Variants in CSMD1 observed in about 807,000 individuals in gnomAD.
CSMD1 encodes CUB and Sushi multiple domains 1, also known as CUB and sushi domain-containing protein 1.
In CSMD1, 213 loss-of-function variants were observed where a neutral mutation model predicts 417.5. The observed-to-expected ratio is 0.51, with a 90% CI of 0.46 to 0.57. The LOEUF (loss-of-function observed/expected upper bound fraction) is 0.57, where lower values mean the gene tolerates loss of function less well. CSMD1 is among the 20% of genes least tolerant of loss of function. The pLI is 0.00. For missense variants in CSMD1, 6,923 were observed against 4,529.7 expected (o/e 1.53, Z -15.17); for synonymous variants, 2,862 against 1,736.8 (o/e 1.65, Z -16.11).
Position 3,560,543 on chromosome 8 carries a change from C to A in CSMD1, c.1344+14402G>T, listed in dbSNP as rs191885800. On this transcript the variant is annotated intron_variant, in intron 10 of 69. Coordinates refer to ENST00000635120, the MANE Select transcript of CSMD1 (RefSeq NM_033225.6). ...AAAGCATGTATTTGAGAAAAGGCAGCTCCTCTGAGTTATAAATGACTCTTA... is the reference window on the plus strand; with the variant it reads ...AAAGCATGTATTTGAGAAAAGGCAGATCCTCTGAGTTATAAATGACTCTTA... 1.8e-3 allele frequency among the ~76,000 whole-genome samples: 272 copies of A among 152,184 alleles called. 1 individual carries two copies. The highest frequency in any genetic ancestry group is 3.0e-3 in the Non-Finnish European group (201 of 68,016).
chr8:3,146,309 A>C (rs1818842253), intron 40 of CSMD1, among the ~76,000 whole-genome samples: 1 of 152,110 alleles, frequency 6.6e-6, no homozygotes, highest in Non-Finnish European at 1.5e-5. Flanking sequence ...AGAGCATCAC[A>C]AAACAACAAG....
intron 6 of CSMD1, among the ~76,000 whole-genome samples, chr8:3,728,056 G>A (rs1802596047): frequency 6.6e-6 from 1 of 152,114 alleles, no homozygotes; most frequent in African/African-American, 2.4e-5. Flanking sequence ...CATTTGAAAG[G>A]GTTTGGCTAT....
At chr8:4,037,553 C>G (rs573013486) in intron 3 of CSMD1, among the ~76,000 whole-genome samples, 1 of 152,140 alleles carries the variant, frequency 6.6e-6, no homozygotes, top group Non-Finnish European at 1.5e-5. Flanking sequence ...TCAGACATAG[C>G]CTTTGCAAGG....
intron 5 of CSMD1, among the ~76,000 whole-genome samples, chr8:3,770,105 C>G (rs1012388392): frequency 6.6e-6 from 1 of 152,314 alleles, no homozygotes; most frequent in Middle Eastern, 3.4e-3. Context: ...TCCATCAGAG[C>G]GATTGGCACA....
chr8:3,753,427 C>G (rs1563342306), intron 6 of CSMD1, among the ~76,000 whole-genome samples: 1 of 152,126 alleles, frequency 6.6e-6, no homozygotes, highest in South Asian at 2.1e-4. Flanking sequence ...ACTACAGACT[C>G]CCCATTTTGC....
At chr8:3,769,737 C>G (rs1447483186) in intron 5 of CSMD1, among the ~76,000 whole-genome samples, 2 of 152,086 alleles carry the variant, frequency 1.3e-5, no homozygotes, top group Non-Finnish European at 2.9e-5. Flanking sequence ...ACTTATTTAA[C>G]CAATGTCCTG....
chr8:3,432,616 A>G (rs1182485624), intron 12 of CSMD1, among the ~76,000 whole-genome samples: 2 of 151,162 alleles, frequency 1.3e-5, no homozygotes, highest in Admixed American at 6.6e-5. Context: ...CCCGGGATCA[A>G]GAGATTCTCC....
chr8:4,860,265 G>A (rs1290123680), intron 1 of CSMD1, among the ~76,000 whole-genome samples: 1 of 122,050 alleles, frequency 8.2e-6, no homozygotes, highest in Non-Finnish European at 1.7e-5. Context: ...CTGTTGTGGG[G>A]TGGGGGGAGG....
intron 25 of CSMD1, among the ~76,000 whole-genome samples, chr8:3,299,368 C>T (rs954988722): frequency 6.6e-6 from 1 of 152,116 alleles, no homozygotes; most frequent in African/African-American, 2.4e-5. Flanking sequence ...AGGAGCATTG[C>T]TTGAACTCTG....
chr8:3,322,959 A>G (rs1377128166), intron 23 of CSMD1, among the ~76,000 whole-genome samples: 1 of 152,014 alleles, frequency 6.6e-6, no homozygotes, highest in African/African-American at 2.4e-5. Flanking sequence ...TTGTTTTCCT[A>G]TGGAACTTAA....
At chr8:4,075,579 T>G (rs867751094) in intron 3 of CSMD1, among the ~76,000 whole-genome samples, 4 of 152,246 alleles carry the variant, frequency 2.6e-5, no homozygotes, top group Non-Finnish European at 5.9e-5. Context: ...AAACGATGAT[T>G]AATTTATTCC....
chr8:3,408,287 A>C, intron 13 of CSMD1, 62 bp from the exon 14 acceptor site: 3 of 1,324,442 alleles, frequency 2.3e-6, no homozygotes, highest in Non-Finnish European at 3.1e-6. Context: ...TGCCATGTGA[A>C]ACAGACAGCT....
intron 3 of CSMD1, among the ~76,000 whole-genome samples, chr8:4,282,086 T>A (rs2128860430): frequency 6.6e-6 from 1 of 152,364 alleles, no homozygotes; most frequent in South Asian, 2.1e-4. Context: ...AGGGAAAACA[T>A]TCTTTTATTA....
In CSMD1 at chr8:4,343,965, C is replaced by T. The variant is rs543391501; in HGVS notation, c.415+75988G>A. ...ATTATAATAAGTATTTTCATATATA[C>T]AATAAATTCTAGTAAAGCCATTGCC... On this transcript the variant is annotated intron_variant, in intron 3 of 69. Transcript: ENST00000635120. 3.9e-5 allele frequency among the ~76,000 whole-genome samples: 6 copies of T among 152,204 alleles called. No homozygotes were observed. In the South Asian group the frequency reaches 1.2e-3, roughly 32 times the overall value.
chr8:3,284,509 G>A (rs1474004833), intron 25 of CSMD1, 163 bp from the exon 26 acceptor site: 5 of 624,710 alleles, frequency 8.0e-6, no homozygotes, highest in African/African-American at 5.5e-5. Flanking sequence ...GAGGCTCACC[G>A]AAGATAATTC....
At chr8:3,934,808 C>G (rs887743869) in intron 5 of CSMD1, among the ~76,000 whole-genome samples, 1 of 152,228 alleles carries the variant, frequency 6.6e-6, no homozygotes, top group African/African-American at 2.4e-5. Context: ...AATCACGCCA[C>G]TGCACTCCAG....
At chr8:3,554,325 G>A (rs984730930) in intron 10 of CSMD1, among the ~76,000 whole-genome samples, 1 of 152,214 alleles carries the variant, frequency 6.6e-6, no homozygotes, top group Non-Finnish European at 1.5e-5. Context: ...AGTCAGAAGA[G>A]TGAGAAATAA....
intron 27 of CSMD1, among the ~76,000 whole-genome samples, chr8:3,229,510 A>C (rs971952105): frequency 6.6e-6 from 1 of 152,214 alleles, no homozygotes; most frequent in Non-Finnish European, 1.5e-5. Flanking sequence ...TCCTTTTAAT[A>C]AGGTCAAACT....
At chr8:4,511,317 C>T (rs1802807234) in intron 2 of CSMD1, among the ~76,000 whole-genome samples, 1 of 152,198 alleles carries the variant, frequency 6.6e-6, no homozygotes, top group Non-Finnish European at 1.5e-5. Flanking sequence ...CAACTGCCCT[C>T]ATAGACAGCA....
Sources: gnomAD v4.1 joint callset for allele counts (sites outside exome capture counted in the v4.1 genomes callset) on GRCh38, gnomAD v4.1.1 for gene constraint, MANE v1.5 for transcripts, NCBI Gene and HGNC (gene_info 2026-07-23, HGNC 2026-07-21) for gene names.